Variants in ZEB1 observed in about 807,000 individuals in gnomAD.
ZEB1 encodes zinc finger E-box binding homeobox 1.
Under a neutral mutation model 84.9 loss-of-function variants are expected in ZEB1, and 21 were observed. That is an observed-to-expected ratio of 0.25 (90% CI 0.18 to 0.36). The LOEUF (loss-of-function observed/expected upper bound fraction) is 0.36. Among genes scored for constraint, ZEB1 ranks in the 10% least tolerant of loss-of-function variants. The pLI, the probability that ZEB1 is intolerant of heterozygous loss-of-function variation, is 1.00. For missense variants in ZEB1, 1,104 were observed against 1,330.2 expected, an observed-to-expected ratio of 0.83 and a Z score of 2.65; for synonymous variants, 420 against 471.1, an observed-to-expected ratio of 0.89 and a Z score of 1.41.
intron 1 of ZEB1, among the ~76,000 whole-genome samples, chr10:31,430,893 T>C (rs2057631267): frequency 6.6e-6 from 1 of 152,228 alleles, no homozygotes; most frequent in South Asian, 2.1e-4. Context: ...TAAATAGCAG[T>C]TATTTTTACT....
At chr10:31,458,288 AT>A (rs1378340941) in intron 1 of ZEB1, among the ~76,000 whole-genome samples, 2 of 148,728 alleles carry the variant, frequency 1.3e-5, no homozygotes, top group Non-Finnish European at 3.0e-5. Context: ...ATTGTGCATC[AT>A]TTGCCAGTAA....
chr10:31,501,424 TAGAG>T (rs1396942468), intron 3 of ZEB1, among the ~76,000 whole-genome samples: 6 of 152,196 alleles, frequency 3.9e-5, no homozygotes, highest in South Asian at 2.1e-4. Context: ...GAGGCAGAAA[TAGAG>T]AAAGAATAGG....
At chr10:31,471,459 G>C (rs1485532740) in intron 2 of ZEB1, among the ~76,000 whole-genome samples, 1 of 151,608 alleles carries the variant, frequency 6.6e-6, no homozygotes, top group Non-Finnish European at 1.5e-5. Flanking sequence ...GATCAAAAGA[G>C]ACGAAGGCCA....
chr10:31,393,595 G>T (rs981165940), intron 1 of ZEB1, among the ~76,000 whole-genome samples: 1 of 152,068 alleles, frequency 6.6e-6, no homozygotes, highest in African/African-American at 2.4e-5. Flanking sequence ...GCAATTAGTT[G>T]ACCTCACTCA....
At position 31,510,531 on chromosome 10, in the gene ZEB1, G is replaced by C; in HGVS notation, c.485-142G>C. The C allele has an allele frequency of 2.9e-6, 2 of 687,104 alleles. 1 individual carries two copies. Among genetic ancestry groups the C allele is most frequent in the Admixed American group, 4.6e-5 (2 of 43,384 alleles). The allele number at this position is 687,104 out of a possible 1,614,324, so 42.6% of individuals were successfully genotyped here. A position where few individuals can be genotyped will look rare whatever the true frequency, so the allele number is the denominator to read the frequency against. On this transcript the variant is annotated intron_variant, in intron 4 of 8. Coordinates refer to ENST00000424869, the MANE Select transcript of ZEB1 (RefSeq NM_001174096.2). ...ACTGTTCTCTCTCTTATAAAATAGA[G>C]ATGAGTATCATTGCATTGTTTTGAG... is the stretch of plus-strand genomic sequence containing the variant.
At chr10:31,378,085 T>TTA (rs1389653226) in intron 1 of ZEB1, among the ~76,000 whole-genome samples, 2 of 150,078 alleles carry the variant, frequency 1.3e-5, no homozygotes, top group African/African-American at 4.9e-5. Context: ...AATATATACA[T>TTA]TATATAATAT....
intron 1 of ZEB1, among the ~76,000 whole-genome samples, chr10:31,380,900 A>G (rs2134820330): frequency 6.6e-6 from 1 of 152,288 alleles, no homozygotes; most frequent in Non-Finnish European, 1.5e-5. Flanking sequence ...TGTAGTCAAC[A>G]TATATACAGT....
At chr10:31,448,587 T>A (rs1489085373) in intron 1 of ZEB1, among the ~76,000 whole-genome samples, 1 of 151,324 alleles carries the variant, frequency 6.6e-6, no homozygotes, top group Non-Finnish European at 1.5e-5. Context: ...ACAGATGGGT[T>A]TTCGGTGTGG....
intron 1 of ZEB1, among the ~76,000 whole-genome samples, chr10:31,396,713 A>T (rs563779825): frequency 6.6e-6 from 1 of 152,292 alleles, no homozygotes; most frequent in East Asian, 1.9e-4. Flanking sequence ...TTACCTATAA[A>T]TGTAATTTTA....
chr10:31,366,036 C>A (rs1192157016), intron 1 of ZEB1, among the ~76,000 whole-genome samples: 1 of 152,184 alleles, frequency 6.6e-6, no homozygotes, highest in African/African-American at 2.4e-5. Context: ...CTGGCTCTAG[C>A]AAATCAGAGC....
At chr10:31,363,881 A>G in intron 1 of ZEB1, 1 of 1,310,176 alleles carries the variant, frequency 7.6e-7, no homozygotes, top group Admixed American at 2.8e-5. Context: ...TGACGGTTGA[A>G]GAGGAGTGGG....
At chr10:31,354,992 C>T (rs1473309428) in intron 1 of ZEB1, among the ~76,000 whole-genome samples, 1 of 152,054 alleles carries the variant, frequency 6.6e-6, no homozygotes, top group African/African-American at 2.4e-5. Context: ...GGGTGTAATA[C>T]AAAGCATTAT....
chr10:31,388,092 A>G (rs914328839), intron 1 of ZEB1, among the ~76,000 whole-genome samples: 3 of 152,178 alleles, frequency 2.0e-5, no homozygotes, highest in Non-Finnish European at 2.9e-5. Flanking sequence ...TTTGGATATC[A>G]TTAATTGACT....
At chr10:31,446,613 T>A (rs1158624035) in intron 1 of ZEB1, among the ~76,000 whole-genome samples, 4 of 152,046 alleles carry the variant, frequency 2.6e-5, no homozygotes, top group African/African-American at 7.3e-5. Flanking sequence ...GTATGTTGTG[T>A]CTTTGTTCTC....
intron 1 of ZEB1, among the ~76,000 whole-genome samples, chr10:31,409,725 A>G (rs1223346493): frequency 1.3e-5 from 2 of 152,200 alleles, no homozygotes; most frequent in African/African-American, 2.4e-5. Context: ...GAGGTCCTTC[A>G]CATCCCTTGT....
chr10:31,357,758 A>G (rs1033644991), intron 1 of ZEB1, among the ~76,000 whole-genome samples: 1 of 152,156 alleles, frequency 6.6e-6, no homozygotes, highest in African/African-American at 2.4e-5. Flanking sequence ...TAAAAAGAAT[A>G]TTGGTTAGCT....
chr10:31,504,548 A>G (rs768149764), intron 4 of ZEB1, among the ~76,000 whole-genome samples: 5 of 152,064 alleles, frequency 3.3e-5, no homozygotes, highest in African/African-American at 4.8e-5. Flanking sequence ...TCTGGGCAAT[A>G]TGATCATTTT....
chr10:31,424,056 C>T (rs973155365), intron 1 of ZEB1, among the ~76,000 whole-genome samples: 1 of 151,930 alleles, frequency 6.6e-6, no homozygotes, highest in African/African-American at 2.4e-5. Flanking sequence ...TTTCAGCCAA[C>T]CCCATTTACC....
At chr10:31,346,729 G>A (rs908161806) in intron 1 of ZEB1, among the ~76,000 whole-genome samples, 1 of 151,974 alleles carries the variant, frequency 6.6e-6, no homozygotes, top group African/African-American at 2.4e-5. Context: ...CTTTAGTCTG[G>A]TTGTTCTTAT....
Sources: allele counts gnomAD v4.1 joint callset (sites outside exome capture counted in the v4.1 genomes callset), GRCh38; gene constraint gnomAD v4.1.1; transcripts MANE v1.5; gene names NCBI Gene and HGNC (gene_info 2026-07-23, HGNC 2026-07-21).